The following UBE2K variants were observed in gnomAD, a reference collection of about 807,000 sequenced individuals.
UBE2K encodes ubiquitin conjugating enzyme E2 K.
A neutral mutation model predicts 30.0 loss-of-function variants in UBE2K; 6 were observed. That is an observed-to-expected ratio of 0.20 (90% confidence interval 0.11 to 0.39). The LOEUF (loss-of-function observed/expected upper bound fraction) is 0.39. Among genes scored for constraint, UBE2K ranks in the 10% least tolerant of loss-of-function variants. UBE2K has a pLI of 1.00. For synonymous variants in UBE2K, 86 were observed against 83.7 expected, an observed-to-expected ratio of 1.03 and a Z score of -0.15; for missense variants, 61 against 241.6, an observed-to-expected ratio of 0.25 and a Z score of 4.96.
intron 1 of UBE2K, among the ~76,000 whole-genome samples, chr4:39,723,211 T>A (rs74955480): frequency 2.1e-5 from 3 of 141,576 alleles, no homozygotes; most frequent in African/African-American, 7.7e-5. Context: ...ACCTAGATAA[T>A]TTTTTTTTTT....
chr4:39,723,610 C>T (rs1305487229), intron 1 of UBE2K, among the ~76,000 whole-genome samples: 2 of 151,996 alleles, frequency 1.3e-5, no homozygotes, highest in Admixed American at 1.3e-4. Flanking sequence ...CCTCCTGATC[C>T]GCCTGCCTCG....
intron 3 of UBE2K, among the ~76,000 whole-genome samples, chr4:39,752,556 T>C (rs1721326080): frequency 6.6e-6 from 1 of 152,060 alleles, no homozygotes; most frequent in Non-Finnish European, 1.5e-5. Flanking sequence ...CAGGATGGTC[T>C]CAATCTCCTG....
intron 1 of UBE2K, among the ~76,000 whole-genome samples, chr4:39,705,717 C>T (rs1053366796): frequency 6.6e-6 from 1 of 152,066 alleles, no homozygotes. Flanking sequence ...GACAGAGTCT[C>T]GGCTCTATCA....
At chr4:39,741,250 G>A (rs181721741) in intron 2 of UBE2K, among the ~76,000 whole-genome samples, 2 of 151,932 alleles carry the variant, frequency 1.3e-5, no homozygotes, top group Non-Finnish European at 2.9e-5. Context: ...CAGCCTGGGC[G>A]ACAGAGGGAG....
intron 1 of UBE2K, among the ~76,000 whole-genome samples, chr4:39,726,381 GCTTTTT>G (rs1719752378): frequency 1.3e-5 from 2 of 151,792 alleles, no homozygotes; most frequent in South Asian, 4.1e-4. Context: ...TCACCCAGTT[GCTTTTT>G]CTTTTTCTTT....
chr4:39,709,675 G>A (rs1216958634), intron 1 of UBE2K, among the ~76,000 whole-genome samples: 1 of 152,010 alleles, frequency 6.6e-6, no homozygotes, highest in African/African-American at 2.4e-5. Flanking sequence ...GTGGATAAGA[G>A]GGGATATATT....
chr4:39,749,366 C>T (rs1721137952), intron 3 of UBE2K, among the ~76,000 whole-genome samples: 1 of 152,110 alleles, frequency 6.6e-6, no homozygotes, highest in Non-Finnish European at 1.5e-5. Context: ...GTGTATCCTG[C>T]TTGAATAGAG....
chr4:39,754,506 AT>A (rs1368021317), intron 3 of UBE2K, among the ~76,000 whole-genome samples: 1 of 152,174 alleles, frequency 6.6e-6, no homozygotes, highest in Non-Finnish European at 1.5e-5. Flanking sequence ...GCTTAGGAGC[AT>A]ATATTAAAGA....
At chr4:39,759,283 T>C (rs1216785637) in intron 4 of UBE2K, among the ~76,000 whole-genome samples, 2 of 152,144 alleles carry the variant, frequency 1.3e-5, no homozygotes, top group East Asian at 1.9e-4. Flanking sequence ...TTTATTATTA[T>C]TATTTTTTTT....
chr4:39,709,088 A>AC (rs1487055090), intron 1 of UBE2K, among the ~76,000 whole-genome samples: 1 of 151,982 alleles, frequency 6.6e-6, no homozygotes, highest in Non-Finnish European at 1.5e-5. Context: ...AACCTGAAGT[A>AC]CTGGCTCTGT....
chr4:39,756,919 G>A (rs1721543464), intron 4 of UBE2K, among the ~76,000 whole-genome samples: 1 of 151,826 alleles, frequency 6.6e-6, no homozygotes, highest in South Asian at 2.1e-4. Context: ...TGTGTTTAAT[G>A]GGCCCAGCCT....
At chr4:39,728,288 A>G (rs1424804510) in intron 1 of UBE2K, among the ~76,000 whole-genome samples, 1 of 152,180 alleles carries the variant, frequency 6.6e-6, no homozygotes, top group East Asian at 1.9e-4. Context: ...TTACATGTAC[A>G]TCAGTTAAAA....
chr4:39,766,024 T>A (rs1470360777), intron 4 of UBE2K, among the ~76,000 whole-genome samples: 11 of 152,212 alleles, frequency 7.2e-5, no homozygotes, highest in Admixed American at 7.2e-4. Context: ...TTAAGTTGCT[T>A]CTACCTTCTG....
intron 2 of UBE2K, among the ~76,000 whole-genome samples, chr4:39,743,493 A>G (rs1451231866): frequency 1.3e-5 from 2 of 151,962 alleles, no homozygotes; most frequent in Non-Finnish European, 2.9e-5. Flanking sequence ...AGTCCCAGCT[A>G]ATCGGGAGGC....
rs1168453129 is a variant in UBE2K, at chr4:39,714,574, G to GTC, written c.63+16192_63+16193dup. On this transcript the variant is annotated intron_variant, in intron 1 of 6. Coordinates refer to ENST00000261427, the MANE Select transcript of UBE2K (RefSeq NM_005339.5). ...TATTTTTTTTTTTTTTTAAGACTGAGTCTCTCTCTGTTGCCAGGCTGGAAT... is the reference window on the plus strand; with the variant it reads ...TATTTTTTTTTTTTTTTAAGACTGAGTCTCTCTCTCTGTTGCCAGGCTGGAAT... 3.9e-4 allele frequency: 12 copies of GTC among 30,606 alleles called. 1 individual carries two copies. The highest frequency in any genetic ancestry group is 1.2e-3 in the African/African-American group (10 of 8,566). 1.9% of individuals were successfully genotyped at this position (30,606 alleles called of 1,614,324 possible). A position where few individuals can be genotyped will look rare whatever the true frequency, so the allele number is the denominator to read the frequency against.
At chr4:39,714,544 A>ATT (rs1337587267) in intron 1 of UBE2K, 13 of 21,084 alleles carry the variant, frequency 6.2e-4, no homozygotes, top group East Asian at 2.7e-3. Flanking sequence ...ATATATATAT[A>ATT]TATATATTTT....
At chr4:39,773,139 G>A (rs1713023222) in intron 4 of UBE2K, among the ~76,000 whole-genome samples, 1 of 152,036 alleles carries the variant, frequency 6.6e-6, no homozygotes, top group Non-Finnish European at 1.5e-5. Flanking sequence ...CAAAAAACTT[G>A]TCCTGTTTCA....
intron 2 of UBE2K, among the ~76,000 whole-genome samples, chr4:39,739,676 A>G (rs1017145029): frequency 1.7e-4 from 26 of 151,984 alleles, no homozygotes; most frequent in African/African-American, 6.3e-4. Context: ...TGAACTCCTG[A>G]CCTTGTGATC....
chr4:39,715,027 T>A, intron 1 of UBE2K, among the ~76,000 whole-genome samples: 1 of 145,774 alleles, frequency 6.9e-6, no homozygotes, highest in Admixed American at 6.9e-5. Flanking sequence ...CTTGGCTAAT[T>A]TTTTTTTTTT....
Sources: gnomAD v4.1 joint callset for allele counts (sites outside exome capture counted in the v4.1 genomes callset) on GRCh38, gnomAD v4.1.1 for gene constraint, MANE v1.5 for transcripts, NCBI Gene and HGNC (gene_info 2026-07-23, HGNC 2026-07-21) for gene names.